The following PTPN21 variants were observed in gnomAD, a reference collection of about 807,000 sequenced individuals.
PTPN21 encodes the protein protein tyrosine phosphatase non-receptor type 21.
In PTPN21, 77 loss-of-function variants were observed where a neutral mutation model predicts 131.8. That is an observed-to-expected ratio of 0.58 (90% CI 0.49 to 0.71). PTPN21 has a LOEUF of 0.71. Ranked by LOEUF, PTPN21 falls within the 30% of genes least tolerant of loss-of-function variation. The pLI is 0.00. For missense variants in PTPN21, 1,552 were observed against 1,527.1 expected (o/e 1.02, Z -0.27); for synonymous variants, 715 against 621.3 (o/e 1.15, Z -2.24).
chr14:88,475,269 G>A (rs2077533628), intron 13 of PTPN21, among the ~76,000 whole-genome samples: 1 of 152,204 alleles, frequency 6.6e-6, no homozygotes. Flanking sequence ...TGCAAGAACA[G>A]AGGGAAAAGG....
In PTPN21 at chr14:88,466,972, G is replaced by A. The variant is rs2077373970; in HGVS notation, c.*1165C>T. 1 of 152,150 alleles carries A rather than the reference G, an allele frequency of 6.6e-6. No individual in the cohort carries two copies. Among genetic ancestry groups the A allele is most frequent in the Non-Finnish European group, 1.5e-5 (1 of 68,040 alleles). The allele number at this position is 152,150 out of a possible 1,614,324, so 9.4% of individuals were successfully genotyped here. A position where few individuals can be genotyped will look rare whatever the true frequency, so the allele number is the denominator to read the frequency against. ...TATTTATGAAAAAGAAACAATACAGGTTGAGGTGGGAAAAGCCCCAAGGAA... is the reference window on the plus strand; with the variant it reads ...TATTTATGAAAAAGAAACAATACAGATTGAGGTGGGAAAAGCCCCAAGGAA... On this transcript the variant is annotated 3_prime_UTR_variant, in exon 19 of 19. Coordinates refer to ENST00000556564, the MANE Select transcript of PTPN21 (RefSeq NM_007039.4).
Position 88,550,600 on chromosome 14 carries a change from AGG to A in PTPN21, c.-185_-184del, listed in dbSNP as rs2078851585. 3.4e-6 allele frequency: 2 copies of A among 596,172 alleles called. No homozygotes were observed. The highest frequency in any genetic ancestry group is 2.9e-6 in the Non-Finnish European group (1 of 347,078). The allele number at this position is 596,172 out of a possible 1,614,324, so 36.9% of individuals were successfully genotyped here. A position where few individuals can be genotyped will look rare whatever the true frequency, so the allele number is the denominator to read the frequency against. ...AACGGAGTCTCCAATGGCCCGAGGAAGGGAGCATTGACGCCAGCGCTGGGGAA... is the reference window on the plus strand; with the variant it reads ...AACGGAGTCTCCAATGGCCCGAGGAAGAGCATTGACGCCAGCGCTGGGGAA... On this transcript the variant is annotated 5_prime_UTR_variant, in exon 2 of 19. An upstream open reading frame in the 5' UTR loses its in-frame stop. Coordinates refer to ENST00000556564, the MANE Select transcript of PTPN21 (RefSeq NM_007039.4).
chr14:88,540,531 C>G (rs2078691333), intron 2 of PTPN21, among the ~76,000 whole-genome samples: 1 of 152,208 alleles, frequency 6.6e-6, no homozygotes, highest in Non-Finnish European at 1.5e-5. Flanking sequence ...TTCCAAAACC[C>G]CACTTTGCCA....
chr14:88,510,653 ATAT>A (rs1156468187), intron 3 of PTPN21, among the ~76,000 whole-genome samples: 1 of 152,192 alleles, frequency 6.6e-6, no homozygotes, highest in African/African-American at 2.4e-5. Flanking sequence ...CAGTTCCAGT[ATAT>A]ACTAGCAGTG....
Position 88,467,377 on chromosome 14 carries a change from A to T in PTPN21, c.*760T>A, listed in dbSNP as rs1161251194. 6.6e-6 allele frequency: 1 copy of T among 152,250 alleles called. No homozygotes were observed. Among genetic ancestry groups the T allele is most frequent in the Non-Finnish European group, 1.5e-5 (1 of 68,040 alleles). 9.4% of individuals were successfully genotyped at this position (152,250 alleles called of 1,614,324 possible). The stretch of plus-strand genomic sequence containing the variant: ...ATCTATGAATAATACTGAAAAAATA[A>T]TGCTTATTCTCTTACATTTTAAATA... On this transcript the variant is annotated 3_prime_UTR_variant, in exon 19 of 19. Transcript: ENST00000556564.
intron 2 of PTPN21, 118 bp downstream of exon 2, chr14:88,550,120 G>A: frequency 9.6e-7 from 1 of 1,044,342 alleles, no homozygotes. Flanking sequence ...CACCATGTTG[G>A]CCAGGCTAGG....
chr14:88,508,146 G>GT, intron 3 of PTPN21, 126 bp from the exon 4 acceptor site: 6 of 436,552 alleles, frequency 1.4e-5, no homozygotes, highest in East Asian at 7.8e-5. Context: ...ACATGGTTGT[G>GT]TGTGTTTTTT....
chr14:88,515,213 T>C (rs897008196), intron 3 of PTPN21: 1 of 152,194 alleles, frequency 6.6e-6, no homozygotes, highest in African/African-American at 2.4e-5. Flanking sequence ...TTGTTATATA[T>C]AGCTATACTT....
intron 8 of PTPN21, among the ~76,000 whole-genome samples, chr14:88,499,790 C>A (rs2077981541): frequency 6.6e-6 from 1 of 152,104 alleles, no homozygotes; most frequent in Admixed American, 6.5e-5. Context: ...TTTGGTTGGA[C>A]ATGAACTTTG....
At chr14:88,470,948 A>T (rs562623340) in intron 15 of PTPN21, among the ~76,000 whole-genome samples, 1 of 152,316 alleles carries the variant, frequency 6.6e-6, no homozygotes, top group South Asian at 2.1e-4. Flanking sequence ...CAGGTCTATC[A>T]AATTCTTTCC....
intron 3 of PTPN21, among the ~76,000 whole-genome samples, chr14:88,509,254 G>A (rs910589160): frequency 3.3e-5 from 5 of 152,080 alleles, no homozygotes; most frequent in Non-Finnish European, 7.4e-5. Flanking sequence ...TGGGGATACC[G>A]TACTAAATGG....
chr14:88,477,934 T>C (rs367949804), intron 13 of PTPN21, among the ~76,000 whole-genome samples: 2 of 152,214 alleles, frequency 1.3e-5, no homozygotes, highest in Non-Finnish European at 1.5e-5. Context: ...TATGACTTAA[T>C]AGAACATATA....
intron 1 of PTPN21, chr14:88,551,826 GCCA>G (rs1481443342): frequency 6.6e-6 from 1 of 152,290 alleles, no homozygotes. Flanking sequence ...ACAGGTGCGC[GCCA>G]CCAAGCCGGG....
intron 10 of PTPN21, among the ~76,000 whole-genome samples, chr14:88,488,023 C>T (rs2077764144): frequency 6.6e-6 from 1 of 151,562 alleles, no homozygotes. Context: ...TTTTTGCAGC[C>T]TTGAAATTTA....
Position 88,479,528 on chromosome 14 carries a change from G to T in PTPN21, c.1903C>A (p.Arg635=). 1 of 1,600,614 alleles carries T rather than the reference G, an allele frequency of 6.2e-7. No individual in the cohort carries two copies. The highest frequency in any genetic ancestry group is 8.5e-7 in the Non-Finnish European group (1 of 1,179,300). ...TAARHAQLHK[R]NSIEVAGLSH... ...AGCCCGGCCACCTCGATGCTGTTCC[G>T]TTTGTGCAGCTGCGCGTGGCGCGCG... Residue 635 remains arginine, a synonymous_variant, in exon 13 of 19, where the codon CGG becomes AGG. Transcript: ENST00000556564.
chr14:88,528,013 GT>G (rs922533674), intron 2 of PTPN21, among the ~76,000 whole-genome samples: 4 of 152,026 alleles, frequency 2.6e-5, no homozygotes, highest in African/African-American at 9.7e-5. Flanking sequence ...ATTGACCTAT[GT>G]TTTTATACCA....
chr14:88,493,259 AAG>A, intron 10 of PTPN21: 1 of 328,488 alleles, frequency 3.0e-6, no homozygotes, highest in African/African-American at 2.2e-5. Context: ...ATTGTTATAA[AAG>A]AGGTAGAAAA....
chr14:88,541,923 C>T (rs1231612655), intron 2 of PTPN21, among the ~76,000 whole-genome samples: 1 of 152,128 alleles, frequency 6.6e-6, no homozygotes. Context: ...CTGCCTTAAC[C>T]AGGAAGCCTC....
intron 2 of PTPN21, among the ~76,000 whole-genome samples, chr14:88,534,607 C>T (rs1473675202): frequency 1.3e-5 from 2 of 151,692 alleles, no homozygotes; most frequent in African/African-American, 2.4e-5. Flanking sequence ...GGTGTGGTGG[C>T]TCATGCCTGT....
Sources: allele counts gnomAD v4.1 joint callset (sites outside exome capture counted in the v4.1 genomes callset), GRCh38; gene constraint gnomAD v4.1.1; transcripts MANE v1.5; gene names NCBI Gene and HGNC (gene_info 2026-07-23, HGNC 2026-07-21).